MACF1: variants seen among roughly 807,000 people sequenced by gnomAD.
MACF1 encodes the protein microtubule-actin cross-linking factor 1.
In MACF1, 193 loss-of-function variants were observed where a neutral mutation model predicts 854.8. The observed-to-expected ratio is 0.23, with a 90% CI of 0.20 to 0.25. The LOEUF (loss-of-function observed/expected upper bound fraction) is 0.25, where lower values mean the gene tolerates loss of function less well. Among genes scored for constraint, MACF1 ranks in the 10% least tolerant of loss-of-function variants. The pLI, the probability that MACF1 is intolerant of heterozygous loss-of-function variation, is 1.00. For synonymous variants in MACF1, 3,185 were observed against 3,226.7 expected (o/e 0.99, Z 0.44); for missense variants, 7,722 against 8,929.1 (o/e 0.86, Z 5.45).
At chr1:39,208,437 T>C (rs969140680) in intron 1 of MACF1, among the ~76,000 whole-genome samples, 1 of 151,988 alleles carries the variant, frequency 6.6e-6, no homozygotes, top group African/African-American at 2.4e-5. Flanking sequence ...CTCTCCTTAC[T>C]AATTAAAAAC....
Position 39,484,680 on chromosome 1 carries a change from C to G in MACF1, c.22361C>G (p.Thr7454Ser). ...HSSRTSLAGD[T>S]SNSSSPASTG... ...AGTCGGACATCCCTTGCTGGTGATA[C>G]CAGCAATAGTTCTTCCCCGGCCTCC... Residue 7454 changes from threonine (T) to serine (S), a missense_variant, in exon 100 of 101, where the codon ACC becomes AGC. Thr to Ser is a moderately conservative substitution (Grantham distance 58, BLOSUM62 1). Around this residue, in one of 15 missense-constraint regions of MACF1, gnomAD observed 185 missense variants for 225.7 expected, o/e 0.82. Transcript: ENST00000564288. The G allele has an allele frequency of 1.2e-6, 2 of 1,614,066 alleles. No individual in the cohort carries two copies. The highest frequency in any genetic ancestry group is 2.2e-5 in the East Asian group (1 of 44,878).
At chr1:39,451,782 CT>C (rs1179567342) in intron 85 of MACF1, among the ~76,000 whole-genome samples, 2 of 152,152 alleles carry the variant, frequency 1.3e-5, no homozygotes, top group Admixed American at 1.3e-4. Flanking sequence ...GATGAAGAAA[CT>C]GGGCCTTAAG....
At chr1:39,170,807 T>G (rs1360732109) in intron 2 of MACF1, among the ~76,000 whole-genome samples, 1 of 152,230 alleles carries the variant, frequency 6.6e-6, no homozygotes, top group Non-Finnish European at 1.5e-5. Context: ...AGCCCATCTG[T>G]GGGAGGACAG....
chr1:39,316,583 G>T, intron 28 of MACF1, 54 bp downstream of exon 28: 1 of 1,545,302 alleles, frequency 6.5e-7, no homozygotes, highest in Non-Finnish European at 8.8e-7. Context: ...ATTGCTTTGG[G>T]TTAGCAGAGA....
chr1:39,481,302 G>T (rs1166347448), intron 99 of MACF1, among the ~76,000 whole-genome samples: 1 of 152,204 alleles, frequency 6.6e-6, no homozygotes, highest in Non-Finnish European at 1.5e-5. Flanking sequence ...GATGGTCATT[G>T]CTGTAGATTT....
At chr1:39,169,080 C>A (rs1643911972) in intron 2 of MACF1, among the ~76,000 whole-genome samples, 1 of 152,222 alleles carries the variant, frequency 6.6e-6, no homozygotes, top group African/African-American at 2.4e-5. Context: ...CATTTTCAAT[C>A]TGTCATTGAG....
rs973646245 is a variant in MACF1 at position 39,174,766 on chromosome 1, C to T, written c.221-56416C>T. Among the ~76,000 whole-genome samples the T allele has an allele frequency of 3.9e-5, 6 of 152,026 alleles. No individual in the cohort carries two copies. In the South Asian group the frequency reaches 1.2e-3, roughly 32 times the overall value. On this transcript the variant is annotated intron_variant, in intron 2 of 93. Transcript: ENST00000361689. ...TTGAACCAAGGTATAGAGAAAGGGCCCCTGATCCTCCAAATTTACAGTAGT... is the reference window on the plus strand; with the variant it reads ...TTGAACCAAGGTATAGAGAAAGGGCTCCTGATCCTCCAAATTTACAGTAGT...
chr1:39,143,626 T>A (rs56809193), intron 2 of MACF1, among the ~76,000 whole-genome samples: 20,212 of 147,352 alleles, frequency 0.14, 1,659 homozygotes, highest in East Asian at 0.19. Context: ...TAAGTATACT[T>A]CTTATGCAGG....
At chr1:39,363,466 G>A (rs1474052008) in intron 49 of MACF1, among the ~76,000 whole-genome samples, 2 of 151,904 alleles carry the variant, frequency 1.3e-5, no homozygotes, top group African/African-American at 4.8e-5. Context: ...GGTATATTAC[G>A]TAATCCTTTG....
At chr1:39,245,899 C>A (rs949961869) in intron 2 of MACF1, among the ~76,000 whole-genome samples, 1 of 152,078 alleles carries the variant, frequency 6.6e-6, no homozygotes, top group Non-Finnish European at 1.5e-5. Context: ...TTTTAAAAAA[C>A]CTACCATTAA....
At chr1:39,428,349 T>C (rs1643790656) in intron 63 of MACF1, 62 bp downstream of exon 63, 1 of 1,417,518 alleles carries the variant, frequency 7.1e-7, no homozygotes, top group African/African-American at 1.4e-5. Flanking sequence ...TTGATTCATG[T>C]TTCTCTTCAT....
chr1:39,375,082 C>G (rs1649595808), intron 52 of MACF1, among the ~76,000 whole-genome samples: 1 of 151,274 alleles, frequency 6.6e-6, no homozygotes, highest in Non-Finnish European at 1.5e-5. Context: ...TGCACTCCAG[C>G]CTGGGTGACA....
intron 80 of MACF1, among the ~76,000 whole-genome samples, chr1:39,445,722 G>T (rs1644216202): frequency 6.6e-6 from 1 of 152,210 alleles, no homozygotes; most frequent in South Asian, 2.1e-4. Flanking sequence ...CACTTGGGAG[G>T]CTGATGCAGG....
intron 58 of MACF1, among the ~76,000 whole-genome samples, chr1:39,407,479 G>A (rs1187065211): frequency 6.6e-6 from 1 of 152,150 alleles, no homozygotes; most frequent in Admixed American, 6.5e-5. Context: ...AACTAGAAAG[G>A]GTGTCAAGAC....
At chr1:39,294,903 T>C (rs1197975137) in intron 18 of MACF1, 143 bp from the exon 19 acceptor site, 13 of 576,630 alleles carry the variant, frequency 2.3e-5, no homozygotes, top group Non-Finnish European at 1.8e-5. Context: ...TGCAATCCTC[T>C]GGCATGCACT....
In MACF1 at chr1:39,335,854, T is replaced by G; in HGVS notation, c.9266T>G (p.Leu3089Ter). 6.2e-7 allele frequency: 1 copy of G among 1,614,020 alleles called. No homozygotes were observed. The highest frequency in any genetic ancestry group is 8.5e-7 in the Non-Finnish European group (1 of 1,180,002). ...LCLTLKPEEN[L>*]SREIACGAQS... Reference sequence around the variant, plus strand: ...TTGACTTTAAAACCAGAAGAAAACTTATCTCGAGAAATTGCCTGTGGGGCC... The same window carrying G: ...TTGACTTTAAAACCAGAAGAAAACTGATCTCGAGAAATTGCCTGTGGGGCC... Residue 3089 changes from leucine (L) to a stop codon, truncating the protein, a stop_gained, in exon 37 of 101, where the codon TTA becomes TGA. Coordinates refer to ENST00000564288, the MANE Select transcript of MACF1 (RefSeq NM_001394062.1). LOFTEE classifies it high-confidence loss of function.
chr1:39,463,375 A>G (rs976091479), intron 93 of MACF1, among the ~76,000 whole-genome samples: 1 of 151,892 alleles, frequency 6.6e-6, no homozygotes, highest in African/African-American at 2.4e-5. Context: ...CTATAATCCC[A>G]GCCACTTGGG....
chr1:39,344,270 A>G (rs1451533388), intron 40 of MACF1, among the ~76,000 whole-genome samples: 1 of 151,746 alleles, frequency 6.6e-6, no homozygotes, highest in Non-Finnish European at 1.5e-5. Context: ...TCTACTAAAA[A>G]AAATATATAA....
intron 26 of MACF1, among the ~76,000 whole-genome samples, chr1:39,313,214 G>A (rs1646338130): frequency 6.6e-6 from 1 of 152,092 alleles, no homozygotes; most frequent in Admixed American, 6.5e-5. Flanking sequence ...GTGATACTGT[G>A]TCCTTGGTAT....
Sources: allele counts gnomAD v4.1 joint callset (sites outside exome capture counted in the v4.1 genomes callset), GRCh38; gene constraint gnomAD v4.1.1; regional missense constraint gnomAD v4.1.1; transcripts MANE v1.5; gene names NCBI Gene and HGNC (gene_info 2026-07-23, HGNC 2026-07-21).